Variants in FAM217A observed in about 807,000 individuals in gnomAD.
FAM217A encodes the protein protein FAM217A.
A neutral mutation model predicts 18.5 loss-of-function variants in FAM217A; 13 were observed. That is an observed-to-expected ratio of 0.70 (90% CI 0.46 to 1.12). The LOEUF is 1.12. FAM217A is among the 50% of genes most tolerant of loss of function. The probability of loss-of-function intolerance (pLI) is 0.00; values close to 1 mark genes in which losing one functional copy is unlikely to be tolerated. For synonymous variants in FAM217A, 161 were observed against 202.8 expected (o/e 0.79, Z 1.75); for missense variants, 560 against 575.4 (o/e 0.97, Z 0.27).
upstream of FAM217A, among the ~76,000 whole-genome samples, chr6:4,080,153 C>T (rs374901861): frequency 4.6e-5 from 7 of 152,106 alleles, no homozygotes; most frequent in Non-Finnish European, 8.8e-5. Flanking sequence ...ACTTATATAC[C>T]ACATGTTGAA....
At position 4,069,525 on chromosome 6, in the gene FAM217A, T is replaced by C. The variant is rs777351036; in HGVS notation, c.698A>G (p.Asn233Ser). 1 of 1,614,174 alleles carries C rather than the reference T, an allele frequency of 6.2e-7. No individual in the cohort carries two copies. Among genetic ancestry groups the C allele is most frequent in the Admixed American group, 1.7e-5 (1 of 60,028 alleles). Reference protein sequence around the residue: ...DLNLKPETIKNVEEPFTEEPN... With the variant: ...DLNLKPETIKSVEEPFTEEPN... ...CTCCTCGGTGAAAGGTTCCTCAACA[T>C]TTTTTATTGTTTCTGGCTTCAAGTT... The change falls in exon 7 of 7, where the codon AAT becomes AGT. Residue 233 changes from asparagine (N) to serine (S), a missense_variant. Asn to Ser is a conservative substitution (Grantham distance 46). Coordinates refer to ENST00000274673, the MANE Select transcript of FAM217A (RefSeq NM_173563.3).
Position 4,069,093 on chromosome 6 carries a change from T to C in FAM217A, c.1130A>G (p.Tyr377Cys), listed in dbSNP as rs1561918433. ...LKRNWSNAGKYRWNSRPLSLK... is the reference protein window; with the variant it reads ...LKRNWSNAGKCRWNSRPLSLK... ...AGACAGTGGTCTAGAATTCCATCTATATTTGCCAGCATTGCTCCAATTCCG... is the reference window on the plus strand; with the variant it reads ...AGACAGTGGTCTAGAATTCCATCTACATTTGCCAGCATTGCTCCAATTCCG... Residue 377 changes from tyrosine (Y) to cysteine (C), a missense_variant, in exon 7 of 7, where the codon TAT becomes TGT. Physicochemically the swap from Tyr to Cys is radical, Grantham distance 194. Transcript: ENST00000274673. The C allele has an allele frequency of 1.2e-6, 2 of 1,614,224 alleles. No individual in the cohort carries two copies. The highest frequency in any genetic ancestry group is 2.2e-5 in the South Asian group (2 of 91,084).
In FAM217A at chr6:4,068,931, AC is replaced by A. The variant is rs771697102; in HGVS notation, c.1291del (p.Val431SerfsTer19). Reference sequence around the variant, plus strand: ...CCTCCATGGCAGACATCTTGTGGAGACCATTTTAACCATTGATTGATTTGTA... The same window carrying A: ...CCTCCATGGCAGACATCTTGTGGAGACATTTTAACCATTGATTGATTTGTA... ...GHTNQSMVKM[V>X]STRCLPWRSP... On this transcript the variant is annotated frameshift_variant, in exon 7 of 7. Transcript: ENST00000274673. LOFTEE classifies it low-confidence loss of function (END_TRUNC). 2.2e-5 allele frequency: 35 copies of A among 1,614,024 alleles called. No individual in the cohort carries two copies. Among genetic ancestry groups the A allele is most frequent in the Non-Finnish European group, 4.2e-6 (5 of 1,180,024 alleles).
intron 4 of FAM217A, 96 bp from the exon 5 acceptor site, chr6:4,073,603 G>A: frequency 2.1e-6 from 2 of 931,644 alleles, no homozygotes; most frequent in East Asian, 2.7e-5. Flanking sequence ...AGGAATGTAT[G>A]GTAAAACTGA....
intron 2 of FAM217A, chr6:4,084,460 G>T: frequency 1.7e-6 from 1 of 596,630 alleles, no homozygotes; most frequent in Non-Finnish European, 3.0e-6. Flanking sequence ...TCTGCAATTT[G>T]AATTGCTTCA....
intron 2 of FAM217A, among the ~76,000 whole-genome samples, chr6:4,084,392 C>G (rs1455755889): frequency 6.6e-6 from 1 of 152,182 alleles, no homozygotes; most frequent in Non-Finnish European, 1.5e-5. Flanking sequence ...GCAGCTAGTG[C>G]TTTTGAATAC....
chr6:4,081,719 T>C (rs1483362978), upstream of FAM217A, among the ~76,000 whole-genome samples: 1 of 152,268 alleles, frequency 6.6e-6, no homozygotes, highest in Non-Finnish European at 1.5e-5. Flanking sequence ...AATATTGGGG[T>C]ACATGTATTT....
At chr6:4,076,027 T>G (rs1005195142) in intron 2 of FAM217A, among the ~76,000 whole-genome samples, 1 of 152,062 alleles carries the variant, frequency 6.6e-6, no homozygotes, top group African/African-American at 2.4e-5. Context: ...AATCCTGATT[T>G]TAAAGAATGA....
intron 6 of FAM217A, 109 bp downstream of exon 6, chr6:4,073,166 T>C: frequency 1.2e-6 from 1 of 848,672 alleles, no homozygotes; most frequent in Non-Finnish European, 1.8e-6. Context: ...TCCCACAGAA[T>C]ACTATTTTCT....
At chr6:4,086,686 G>C (rs634114) in intron 1 of FAM217A, among the ~76,000 whole-genome samples, 50,523 of 151,984 alleles carry the variant, frequency 0.33, 9,705 homozygotes, top group African/African-American at 0.53. Context: ...GGCTCTCTAG[G>C]TGGTTCATGA....
At chr6:4,079,547 G>C, upstream of FAM217A, 1 of 1,219,598 alleles carries the variant, frequency 8.2e-7, no homozygotes, top group East Asian at 6.0e-5. Flanking sequence ...GAGGCCTCCA[G>C]GCCCTTCCCT....
chr6:4,070,256 AATT>A (rs1318846894), intron 6 of FAM217A, among the ~76,000 whole-genome samples: 1 of 152,234 alleles, frequency 6.6e-6, no homozygotes, highest in Non-Finnish European at 1.5e-5. Flanking sequence ...GTGTACATGC[AATT>A]ATTATGTTTG....
rs528518658 is a variant in FAM217A, at chr6:4,074,709, A to T, written c.61-48T>A. On this transcript the variant is annotated intron_variant, in intron 2 of 6. Transcript: ENST00000274673. Reference sequence around the variant, plus strand: ...ATAAACTTAACATTAAGAAAACATAAAAAGCTCAATAATTTCACATGTTCT... The same window carrying T: ...ATAAACTTAACATTAAGAAAACATATAAAGCTCAATAATTTCACATGTTCT... 4 of 1,380,120 alleles carry T rather than the reference A, an allele frequency of 2.9e-6. No individual in the cohort carries two copies. The African/African-American group carries it at 5.7e-5, about 20-fold the overall frequency. 85.5% of individuals were successfully genotyped at this position (1,380,120 alleles called of 1,614,324 possible).
At chr6:4,083,636 C>CTAACCTT (rs200343539), upstream of FAM217A, among the ~76,000 whole-genome samples, 6,038 of 151,752 alleles carry the variant, frequency 0.04, 419 homozygotes, top group African/African-American at 0.14. Context: ...ACTGCAACCT[C>CTAACCTT]TGTCTCCCAG....
chr6:4,073,464 T>C lies in FAM217A; in HGVS notation c.203A>G (p.Asn68Ser). The change falls in exon 5 of 7, where the codon AAT (asparagine) becomes AGT (serine). Residue 68 changes from asparagine to serine, a missense_variant. By Grantham distance (46) the Asn-to-Ser change is conservative. Coordinates refer to ENST00000274673, the MANE Select transcript of FAM217A (RefSeq NM_173563.3). The stretch of plus-strand genomic sequence containing the variant: ...ACTTTTTTGACTATGCACCGACAAA[T>C]TAGGTTCTAGCATCAGTTGCTCCAC... ...IPVEQLMLEP[N>S]LSVHSQKSTQ... is the part of the protein sequence containing the mutation. The C allele has an allele frequency of 1.2e-6, 2 of 1,613,570 alleles. No individual in the cohort carries two copies. The highest frequency in any genetic ancestry group is 1.7e-6 in the Non-Finnish European group (2 of 1,179,774).
chr6:4,070,620 G>T (rs1769337717), intron 6 of FAM217A, among the ~76,000 whole-genome samples: 1 of 152,172 alleles, frequency 6.6e-6, no homozygotes, highest in African/African-American at 2.4e-5. Context: ...AAGATTTGAT[G>T]CATTAGTTGA....
chr6:4,087,289 C>A (rs1172488756), upstream of FAM217A: 7 of 1,232,976 alleles, frequency 5.7e-6, no homozygotes, highest in African/African-American at 1.6e-5. Flanking sequence ...TGCCACAAAT[C>A]CCCAAATGAC....
At chr6:4,086,424 C>T (rs1369698332) in intron 1 of FAM217A, among the ~76,000 whole-genome samples, 2 of 80,696 alleles carry the variant, frequency 2.5e-5, no homozygotes, top group Non-Finnish European at 4.6e-5. Flanking sequence ...CCTGCCTGGG[C>T]AACAAGAGCA....
chr6:4,075,084 C>A (rs1478791870), intron 2 of FAM217A, among the ~76,000 whole-genome samples: 2 of 152,194 alleles, frequency 1.3e-5, no homozygotes, highest in African/African-American at 2.4e-5. Flanking sequence ...GTACTCCCAG[C>A]ACTTTGGGAG....
Sources: allele counts gnomAD v4.1 joint callset (sites outside exome capture counted in the v4.1 genomes callset), GRCh38; gene constraint gnomAD v4.1.1; transcripts MANE v1.5; gene names NCBI Gene and HGNC (gene_info 2026-07-23, HGNC 2026-07-21).